COL4A3: variants seen among roughly 807,000 people sequenced by gnomAD.
COL4A3 encodes collagen alpha-3(IV) chain.
A neutral mutation model predicts 217.4 loss-of-function variants in COL4A3; 135 were observed. That is an observed-to-expected ratio of 0.62 (90% confidence interval 0.54 to 0.72). The LOEUF is 0.72. Among genes scored for constraint, COL4A3 ranks in the 30% least tolerant of loss-of-function variants. COL4A3 has a pLI of 0.00. For synonymous variants in COL4A3, 690 were observed against 736.3 expected (o/e 0.94, Z 1.02); for missense variants, 1,868 against 2,119.9 (o/e 0.88, Z 2.33).
At chr2:227,234,008 T>C (rs896759635) in intron 1 of COL4A3, among the ~76,000 whole-genome samples, 2 of 152,236 alleles carry the variant, frequency 1.3e-5, no homozygotes, top group Non-Finnish European at 2.9e-5. Context: ...GAAGATCTAA[T>C]TTAAAAACTG....
chr2:227,267,167 G>T, intron 23 of COL4A3, 79 bp downstream of exon 23: 1 of 989,056 alleles, frequency 1.0e-6, no homozygotes. Flanking sequence ...GCATTGGATT[G>T]GTGGATGTCA....
At chr2:227,257,570 A>G in intron 17 of COL4A3, 33 bp from the exon 18 acceptor site, 1 of 1,595,860 alleles carries the variant, frequency 6.3e-7, no homozygotes, top group Non-Finnish European at 8.6e-7. Flanking sequence ...TTGGGTGACC[A>G]TATTCACAAT....
At chr2:227,210,435 A>AC (rs201367485) in intron 1 of COL4A3, among the ~76,000 whole-genome samples, 6,028 of 144,048 alleles carry the variant, frequency 0.042, 378 homozygotes, top group East Asian at 0.11. Context: ...TACTAAAAAT[A>AC]AAAAATTAGC....
At chr2:227,296,609 T>C in intron 41 of COL4A3, 1 of 587,430 alleles carries the variant, frequency 1.7e-6, no homozygotes, top group Non-Finnish European at 2.1e-6. Flanking sequence ...TTAATGAACA[T>C]GAAATATATA....
At chr2:227,241,555 T>C (rs2069020733) in intron 3 of COL4A3, among the ~76,000 whole-genome samples, 1 of 152,056 alleles carries the variant, frequency 6.6e-6, no homozygotes, top group Admixed American at 6.6e-5. Context: ...ATGCCTGTGG[T>C]CTCAGCTACT....
In COL4A3 at chr2:227,297,821, C is replaced by G. The variant is rs528758931; in HGVS notation, c.3713C>G (p.Thr1238Arg). 90 of 1,566,550 alleles carry G rather than the reference C, an allele frequency of 5.7e-5. 1 individual carries two copies. The South Asian group carries it at 9.5e-4, about 17-fold the overall frequency. The change falls in exon 42 of 52, where the codon ACA (threonine) becomes AGA (arginine). Residue 1238 changes from threonine to arginine, a missense_variant. Coordinates refer to ENST00000396578, the MANE Select transcript of COL4A3 (RefSeq NM_000091.5). ...CCCGGTGCAATTATCCCTGGCCAGA[C>G]AGGAAATCGTGGTCCACCAGGCTCA... ...GLPGAIIPGQ[T>R]GNRGPPGSRG...
In COL4A3 at chr2:227,164,765, G is replaced by T. The variant is rs1172751081; in HGVS notation, c.39G>T (p.Leu13=). ...ARTAPRPQVL[L]LPLLLVLLAA... is the part of the protein sequence containing the mutation. ...CCGCCCCCAGGCCGCAGGTGCTCCTGCTGCCGCTCCTGCTGGTGCTCCTGG... is the reference window on the plus strand; with the variant it reads ...CCGCCCCCAGGCCGCAGGTGCTCCTTCTGCCGCTCCTGCTGGTGCTCCTGG... The change falls in exon 1 of 52, where the codon CTG becomes CTT. Residue 13 remains leucine (L), a synonymous_variant. Coordinates refer to ENST00000396578, the MANE Select transcript of COL4A3 (RefSeq NM_000091.5). The surrounding 1 kb of genome is among the most constrained non-coding windows in gnomAD (Gnocchi z 4.8). The T allele has an allele frequency of 1.3e-6, 2 of 1,523,280 alleles. No homozygotes were observed. Among genetic ancestry groups the T allele is most frequent in the South Asian group, 2.4e-5 (2 of 83,108 alleles). The allele number at this position is 1,523,280 out of a possible 1,614,324, so 94.4% of individuals were successfully genotyped here. A position where few individuals can be genotyped will look rare whatever the true frequency, so the allele number is the denominator to read the frequency against.
chr2:227,302,274 A>G (rs892603502), intron 43 of COL4A3, among the ~76,000 whole-genome samples: 6 of 152,162 alleles, frequency 3.9e-5, no homozygotes, highest in Admixed American at 6.5e-5. Context: ...TCCTACCATC[A>G]TGATCAAGTG....
chr2:227,252,766 A>G (rs1369484690), intron 11 of COL4A3, among the ~76,000 whole-genome samples: 1 of 152,138 alleles, frequency 6.6e-6, no homozygotes, highest in Non-Finnish European at 1.5e-5. Flanking sequence ...AGTGGTGAAA[A>G]AGCAAGCAGA....
intron 1 of COL4A3, among the ~76,000 whole-genome samples, chr2:227,171,921 G>T (rs1471110766): frequency 6.6e-6 from 1 of 152,174 alleles, no homozygotes; most frequent in Non-Finnish European, 1.5e-5. Flanking sequence ...TACTTCTGGG[G>T]TCTAGGGTCC....
intron 1 of COL4A3, among the ~76,000 whole-genome samples, chr2:227,192,426 C>T (rs2066278235): frequency 7.5e-6 from 1 of 134,178 alleles, no homozygotes; most frequent in Non-Finnish European, 1.6e-5. Context: ...CTGACCAGGG[C>T]AGGATGAAAA....
rs2106271012 is a variant in COL4A3 at position 227,304,105 on chromosome 2, C to T, written c.4114C>T (p.Gln1372Ter). The T allele has an allele frequency of 1.2e-6, 2 of 1,614,130 alleles. No individual in the cohort carries two copies. Among genetic ancestry groups the T allele is most frequent in the Non-Finnish European group, 1.7e-6 (2 of 1,179,996 alleles). Residue 1372 changes from glutamine (Q) to a stop codon, truncating the protein, a stop_gained, in exon 46 of 52, where the codon CAG (glutamine) becomes TAG (stop). Coordinates refer to ENST00000396578, the MANE Select transcript of COL4A3 (RefSeq NM_000091.5). LOFTEE classifies it high-confidence loss of function. ...PPGTPGEPGM[Q>*]GEPGPPGPPG... is the part of the protein sequence containing the mutation. Reference sequence around the variant, plus strand: ...TGGCACACCTGGAGAACCAGGGATGCAGGGAGAACCTGGGCCACCAGGGCC... The same window carrying T: ...TGGCACACCTGGAGAACCAGGGATGTAGGGAGAACCTGGGCCACCAGGGCC...
intron 1 of COL4A3, among the ~76,000 whole-genome samples, chr2:227,172,724 C>G (rs1364068218): frequency 6.6e-6 from 1 of 151,466 alleles, no homozygotes; most frequent in Non-Finnish European, 1.5e-5. Context: ...GTAGCTGGGA[C>G]TTCAGGCATA....
chr2:227,299,178 G>A (rs956304252), intron 43 of COL4A3, among the ~76,000 whole-genome samples: 4 of 152,148 alleles, frequency 2.6e-5, no homozygotes, highest in African/African-American at 7.2e-5. Context: ...GGCGGATCAC[G>A]AGGTCAGGAG....
intron 18 of COL4A3, among the ~76,000 whole-genome samples, chr2:227,258,974 T>C (rs1436580417): frequency 2.6e-5 from 4 of 152,034 alleles, no homozygotes; most frequent in Non-Finnish European, 5.9e-5. Flanking sequence ...ACAAAGTAAT[T>C]GATCCATCTA....
intron 1 of COL4A3, among the ~76,000 whole-genome samples, chr2:227,189,270 G>A (rs1034700636): frequency 1.3e-5 from 2 of 152,200 alleles, no homozygotes; most frequent in African/African-American, 4.8e-5. Context: ...CATGAGATTT[G>A]TGCTTTGGAA....
At chr2:227,240,374 G>T in intron 3 of COL4A3, 142 bp downstream of exon 3, 1 of 789,266 alleles carries the variant, frequency 1.3e-6, no homozygotes. Context: ...TCCGGTATTA[G>T]TGGGCCACAT....
At chr2:227,238,100 G>A (rs1270603917) in intron 2 of COL4A3, 76 bp downstream of exon 2, 11 of 966,726 alleles carry the variant, frequency 1.1e-5, no homozygotes, top group African/African-American at 3.2e-5. Flanking sequence ...TTCTTTCATC[G>A]GTAGCAGAAA....
chr2:227,201,452 G>A (rs2066682162), intron 1 of COL4A3, among the ~76,000 whole-genome samples: 1 of 152,212 alleles, frequency 6.6e-6, no homozygotes, highest in Admixed American at 6.5e-5. Context: ...TGTCGTCTCA[G>A]TCAAAGGTTT....
Sources: allele counts gnomAD v4.1 joint callset (sites outside exome capture counted in the v4.1 genomes callset), GRCh38; gene constraint gnomAD v4.1.1; non-coding constraint Gnocchi (gnomAD v3.1); transcripts MANE v1.5; gene names NCBI Gene and HGNC (gene_info 2026-07-23, HGNC 2026-07-21).